Variants in SDCCAG8 observed in about 807,000 individuals in gnomAD.
The protein encoded by SDCCAG8 is SHH signaling and ciliogenesis regulator SDCCAG8.
In SDCCAG8, 74 loss-of-function variants were observed where a neutral mutation model predicts 101.8. That is an observed-to-expected ratio of 0.73 (90% CI 0.60 to 0.88). The LOEUF (loss-of-function observed/expected upper bound fraction) is 0.88. Ranked by LOEUF, SDCCAG8 falls within the 40% of genes least tolerant of loss-of-function variation. SDCCAG8 has a pLI of 0.00. For missense variants in SDCCAG8, 787 were observed against 822.6 expected (o/e 0.96, Z 0.53); for synonymous variants, 281 against 292.9 (o/e 0.96, Z 0.41).
intron 10 of SDCCAG8, among the ~76,000 whole-genome samples, chr1:243,333,658 C>A (rs1421631971): frequency 6.6e-6 from 1 of 152,212 alleles, no homozygotes; most frequent in Non-Finnish European, 1.5e-5. Context: ...TTGCTATGTT[C>A]ACTGAAGATC....
At position 243,417,980 on chromosome 1, in the gene SDCCAG8, A is replaced by G. The variant is rs1195615970; in HGVS notation, c.1757A>G (p.Tyr586Cys). 6.2e-7 allele frequency: 1 copy of G among 1,609,566 alleles called. No homozygotes were observed. Among genetic ancestry groups the G allele is most frequent in the African/African-American group, 1.3e-5 (1 of 74,786 alleles). Residue 586 changes from tyrosine (Y) to cysteine (C), a missense_variant, in exon 15 of 18, where the codon TAT becomes TGT. Tyr to Cys is a radical substitution (Grantham distance 194). Transcript: ENST00000366541. Reference sequence around the variant, plus strand: ...TTGTTATTTCTAGAAAATGAACAGTATTTGTTGCTGACCTCCCAGAATACA... The same window carrying G: ...TTGTTATTTCTAGAAAATGAACAGTGTTTGTTGCTGACCTCCCAGAATACA... ...AQHDKTENEQ[Y>C]LLLTSQNTFL...
chr1:243,451,886 G>A (rs2083381776), intron 16 of SDCCAG8, among the ~76,000 whole-genome samples: 1 of 152,150 alleles, frequency 6.6e-6, no homozygotes, highest in African/African-American at 2.4e-5. Flanking sequence ...CTGAGATCAC[G>A]CCACTGCACT....
intron 7 of SDCCAG8, chr1:243,307,508 A>G (rs995647102): frequency 1.0e-6 from 1 of 984,298 alleles, no homozygotes; most frequent in Non-Finnish European, 1.2e-6. Flanking sequence ...ATAAAAATCC[A>G]TGTTTTTTTA....
chr1:243,353,347 C>T (rs892993589), intron 12 of SDCCAG8, among the ~76,000 whole-genome samples: 90 of 151,228 alleles, frequency 6.0e-4, no homozygotes, highest in African/African-American at 2.1e-3. Flanking sequence ...AAAAATTAGC[C>T]GGGTGTGGTG....
intron 13 of SDCCAG8, among the ~76,000 whole-genome samples, chr1:243,405,467 G>A (rs1382567929): frequency 1.3e-5 from 2 of 152,136 alleles, no homozygotes; most frequent in African/African-American, 4.8e-5. Flanking sequence ...ATTATTGAAT[G>A]CCTTCTGTTT....
chr1:243,264,440 C>T (rs61833911), intron 1 of SDCCAG8, among the ~76,000 whole-genome samples: 1 of 152,098 alleles, frequency 6.6e-6, no homozygotes, highest in Non-Finnish European at 1.5e-5. Context: ...CATGGAGAAA[C>T]CCTGTCTCTA....
intron 1 of SDCCAG8, among the ~76,000 whole-genome samples, chr1:243,266,541 A>G (rs980581895): frequency 2.0e-5 from 3 of 151,718 alleles, no homozygotes; most frequent in Non-Finnish European, 4.4e-5. Flanking sequence ...GCTGGTCTTG[A>G]ACTCTTGACC....
At chr1:243,280,707 A>G (rs1227835132) in intron 4 of SDCCAG8, among the ~76,000 whole-genome samples, 2 of 152,190 alleles carry the variant, frequency 1.3e-5, no homozygotes, top group Admixed American at 6.5e-5. Context: ...GTGTTGTGTC[A>G]TCATCAAGTA....
intron 10 of SDCCAG8, among the ~76,000 whole-genome samples, chr1:243,339,582 A>G (rs989300733): frequency 6.6e-6 from 1 of 152,214 alleles, no homozygotes; most frequent in Non-Finnish European, 1.5e-5. Context: ...GATGATAGGG[A>G]TGTGTAAAAA....
At chr1:243,414,683 T>C (rs2080442996) in intron 13 of SDCCAG8, among the ~76,000 whole-genome samples, 1 of 152,138 alleles carries the variant, frequency 6.6e-6, no homozygotes. Flanking sequence ...TTATTTTTAG[T>C]TTGGCAAAGG....
chr1:243,316,714 T>C (rs1425784887), intron 8 of SDCCAG8, 41 bp from the exon 9 acceptor site: 2 of 1,613,394 alleles, frequency 1.2e-6, no homozygotes, highest in African/African-American at 2.7e-5. Context: ...ACAGGATCGT[T>C]TGATCATTTC....
intron 16 of SDCCAG8, among the ~76,000 whole-genome samples, chr1:243,449,840 G>A (rs1172854017): frequency 6.6e-6 from 1 of 152,132 alleles, no homozygotes; most frequent in East Asian, 1.9e-4. Flanking sequence ...GTGGCAACTC[G>A]GGCAGTCCCT....
intron 4 of SDCCAG8, 25 bp from the exon 5 acceptor site, chr1:243,286,247 A>C (rs1438074574): frequency 3.7e-6 from 6 of 1,609,550 alleles, no homozygotes; most frequent in Admixed American, 1.7e-5. Context: ...ATAATGCTTA[A>C]TGTGTTTGGT....
At chr1:243,496,589 C>T (rs1449093188) in intron 17 of SDCCAG8, among the ~76,000 whole-genome samples, 3 of 152,236 alleles carry the variant, frequency 2.0e-5, no homozygotes, top group African/African-American at 4.8e-5. Context: ...TTGGCTAGAG[C>T]CACCCACGGA....
At chr1:243,355,217 C>T (rs1204312959) in intron 12 of SDCCAG8, among the ~76,000 whole-genome samples, 1 of 152,146 alleles carries the variant, frequency 6.6e-6, no homozygotes, top group Non-Finnish European at 1.5e-5. Flanking sequence ...TTCTGGCCTG[C>T]CTTCTGCCAT....
At chr1:243,406,999 A>G (rs2079831670) in intron 13 of SDCCAG8, among the ~76,000 whole-genome samples, 2 of 152,020 alleles carry the variant, frequency 1.3e-5, no homozygotes, top group African/African-American at 4.8e-5. Context: ...GTATCATGGC[A>G]GGAATTTAGC....
At chr1:243,299,143 C>G (rs1558256149) in intron 6 of SDCCAG8, among the ~76,000 whole-genome samples, 2 of 152,118 alleles carry the variant, frequency 1.3e-5, no homozygotes, top group Non-Finnish European at 2.9e-5. Context: ...TAGAATTATT[C>G]CTGACTTTTT....
intron 1 of SDCCAG8, among the ~76,000 whole-genome samples, chr1:243,262,272 A>AT (rs2067253754): frequency 6.8e-6 from 1 of 146,942 alleles, no homozygotes; most frequent in Admixed American, 6.9e-5. Flanking sequence ...CGCCCGGCTA[A>AT]TTTTTTTATT....
chr1:243,446,420 C>A (rs932384498), intron 16 of SDCCAG8, among the ~76,000 whole-genome samples: 32 of 152,248 alleles, frequency 2.1e-4, no homozygotes, highest in Non-Finnish European at 4.6e-4. Flanking sequence ...GCATGCACCA[C>A]CATGCCGGCT....
Sources: gnomAD v4.1 joint callset for allele counts (sites outside exome capture counted in the v4.1 genomes callset) on GRCh38, gnomAD v4.1.1 for gene constraint, MANE v1.5 for transcripts, NCBI Gene and HGNC (gene_info 2026-07-23, HGNC 2026-07-21) for gene names.